The following CRPPA variants were observed in gnomAD, a reference collection of about 807,000 sequenced individuals.
The protein encoded by CRPPA is D-ribitol-5-phosphate cytidylyltransferase.
CRPPA carries 43 observed loss-of-function variants against 52.0 expected under a neutral mutation model. The ratio of observed to expected loss-of-function variants is 0.83; its 90% CI spans 0.65 to 1.07. CRPPA has a LOEUF of 1.07. Ranked by LOEUF, CRPPA falls within the 50% of genes least tolerant of loss-of-function variation. CRPPA has a pLI of 0.00. For synonymous variants in CRPPA, 250 were observed against 203.5 expected, an observed-to-expected ratio of 1.23 and a Z score of -1.94; for missense variants, 629 against 551.7, an observed-to-expected ratio of 1.14 and a Z score of -1.40.
At chr7:16,319,765 A>G (rs973324087) in intron 3 of CRPPA, among the ~76,000 whole-genome samples, 1 of 152,052 alleles carries the variant, frequency 6.6e-6, no homozygotes, top group Admixed American at 6.6e-5. Flanking sequence ...CTGGCAACAC[A>G]CTCAGTCCTT....
At chr7:16,114,020 C>T (rs1330029109) in intron 9 of CRPPA, among the ~76,000 whole-genome samples, 1 of 151,694 alleles carries the variant, frequency 6.6e-6, no homozygotes, top group African/African-American at 2.4e-5. Flanking sequence ...AGAACAGTAG[C>T]ATAAAAGTTA....
chr7:16,335,566 G>T (rs1785661086), intron 3 of CRPPA, among the ~76,000 whole-genome samples: 1 of 152,108 alleles, frequency 6.6e-6, no homozygotes, highest in Admixed American at 6.5e-5. Flanking sequence ...TCACAGAGAG[G>T]ACATCTGAAG....
chr7:16,111,344 A>G lies in CRPPA; in HGVS notation c.1252-19545T>C, dbSNP rs75835601. 5.5e-4 allele frequency among the ~76,000 whole-genome samples: 84 copies of G among 152,258 alleles called. 2 individuals carry two copies. The East Asian group carries it at 9.5e-3, about 17-fold the overall frequency. On this transcript the variant is annotated intron_variant, in intron 9 of 9. Transcript: ENST00000407010. The stretch of plus-strand genomic sequence containing the variant: ...TGTTGGTAGGAACATGAATTAGTAC[A>G]CTGTGGGAAACTGTATGGTTGTTTC...
At chr7:16,247,486 TATACAG>T (rs1334480114) in intron 8 of CRPPA, among the ~76,000 whole-genome samples, 1 of 152,188 alleles carries the variant, frequency 6.6e-6, no homozygotes, top group Non-Finnish European at 1.5e-5. Context: ...CTTGCCACCT[TATACAG>T]ATATGATTTG....
At chr7:16,155,924 G>A (rs1217453472) in intron 9 of CRPPA, among the ~76,000 whole-genome samples, 12 of 151,976 alleles carry the variant, frequency 7.9e-5, no homozygotes, top group Admixed American at 7.9e-4. Context: ...TCTCAGTTTG[G>A]GAAGCACTGC....
chr7:16,130,632 T>C (rs1400355632), intron 9 of CRPPA, among the ~76,000 whole-genome samples: 1 of 152,258 alleles, frequency 6.6e-6, no homozygotes, highest in Admixed American at 6.5e-5. Flanking sequence ...CTTTTCCTTT[T>C]GTACACTAAG....
At chr7:16,420,071 A>C (rs1184965246) in intron 1 of CRPPA, among the ~76,000 whole-genome samples, 1 of 152,106 alleles carries the variant, frequency 6.6e-6, no homozygotes, top group African/African-American at 2.4e-5. Context: ...AGCATGTGTG[A>C]GGGTTTGCGT....
At chr7:16,149,704 G>A (rs1335182916) in intron 9 of CRPPA, among the ~76,000 whole-genome samples, 1 of 152,104 alleles carries the variant, frequency 6.6e-6, no homozygotes, top group African/African-American at 2.4e-5. Flanking sequence ...AAAAACTATT[G>A]GCCAGGAGCG....
chr7:16,271,125 C>T (rs1302559337), intron 6 of CRPPA, among the ~76,000 whole-genome samples: 4 of 152,088 alleles, frequency 2.6e-5, no homozygotes, highest in East Asian at 1.9e-4. Flanking sequence ...AATTAAATTA[C>T]GTCCTCCAGG....
At chr7:16,238,643 T>C (rs1214368567) in intron 8 of CRPPA, among the ~76,000 whole-genome samples, 1 of 152,114 alleles carries the variant, frequency 6.6e-6, no homozygotes, top group Non-Finnish European at 1.5e-5. Flanking sequence ...AAATAACCTA[T>C]GAGTCTTGTG....
intron 9 of CRPPA, among the ~76,000 whole-genome samples, chr7:16,158,561 T>C (rs1351555826): frequency 1.3e-5 from 2 of 152,130 alleles, no homozygotes; most frequent in Admixed American, 1.3e-4. Flanking sequence ...TTAAGAGATG[T>C]TTTTTATATC....
intron 4 of CRPPA, among the ~76,000 whole-genome samples, chr7:16,303,236 G>A (rs745992074): frequency 1.3e-5 from 2 of 151,908 alleles, no homozygotes; most frequent in Admixed American, 6.6e-5. Flanking sequence ...TGGATAGTAA[G>A]GTATAGTTTT....
At chr7:16,286,067 ATATAT>A (rs1784434116) in intron 5 of CRPPA, among the ~76,000 whole-genome samples, 7 of 32,212 alleles carry the variant, frequency 2.2e-4, no homozygotes, top group African/African-American at 6.9e-4. Flanking sequence ...ATATATATAT[ATATAT>A]ATATATATAA....
intron 3 of CRPPA, among the ~76,000 whole-genome samples, chr7:16,345,631 A>G (rs12531973): frequency 0.11 from 16,179 of 152,142 alleles, 1,092 homozygotes; most frequent in East Asian, 0.36. Flanking sequence ...TGTTTAATGA[A>G]AAAATGAACT....
At chr7:16,170,121 C>T (rs1165427077) in intron 9 of CRPPA, among the ~76,000 whole-genome samples, 2 of 151,972 alleles carry the variant, frequency 1.3e-5, no homozygotes, top group African/African-American at 4.8e-5. Context: ...AAATCATAAT[C>T]CAAAAGTAGG....
rs1211547230 is a variant in CRPPA at position 16,376,088 on chromosome 7, T to TTA, written c.684+2_684+3dup. The stretch of plus-strand genomic sequence containing the variant: ...CAGCTTATTCAAAAAGCCCAAATTC[T>TTA]TACCTGCTGATATGCTTCATAAATC... On this transcript the variant is annotated splice_donor_region_variant and intron_variant, in intron 3 of 9. Transcript: ENST00000407010. 1 of 1,567,612 alleles carries TTA rather than the reference T, an allele frequency of 6.4e-7. No individual in the cohort carries two copies. The highest frequency in any genetic ancestry group is 8.6e-7 in the Non-Finnish European group (1 of 1,157,888).
chr7:16,218,974 A>T (rs1474697663), intron 8 of CRPPA, among the ~76,000 whole-genome samples: 1 of 152,184 alleles, frequency 6.6e-6, no homozygotes, highest in African/African-American at 2.4e-5. Context: ...TCCACCCCAA[A>T]TCAACAGAAT....
intron 9 of CRPPA, among the ~76,000 whole-genome samples, chr7:16,201,712 A>C (rs1225786515): frequency 6.6e-6 from 1 of 152,202 alleles, no homozygotes; most frequent in South Asian, 2.1e-4. Flanking sequence ...GTGGGAATTA[A>C]AGGGCTGTAA....
At chr7:16,303,491 A>AAAAAACAAAC (rs1554317856) in intron 4 of CRPPA, among the ~76,000 whole-genome samples, 11 of 125,026 alleles carry the variant, frequency 8.8e-5, no homozygotes, top group Non-Finnish European at 1.9e-4. Context: ...AAAAAAAAAA[A>AAAAAACAAAC]AAAAAAAAAA....
Sources: allele counts gnomAD v4.1 joint callset (sites outside exome capture counted in the v4.1 genomes callset), GRCh38; gene constraint gnomAD v4.1.1; transcripts MANE v1.5; gene names NCBI Gene and HGNC (gene_info 2026-07-23, HGNC 2026-07-21).